The following ANKH variants were observed in gnomAD, a reference collection of about 807,000 sequenced individuals.
The protein encoded by ANKH is ANKH inorganic pyrophosphate transport regulator.
In ANKH, 15 loss-of-function variants were observed where a neutral mutation model predicts 49.0. That is an observed-to-expected ratio of 0.31 (90% CI 0.20 to 0.47). The LOEUF (loss-of-function observed/expected upper bound fraction) is 0.47, where lower values mean the gene tolerates loss of function less well. ANKH is among the 20% of genes least tolerant of loss of function. The pLI, the probability that ANKH is intolerant of heterozygous loss-of-function variation, is 1.00. For missense variants in ANKH, 429 were observed against 652.0 expected, an observed-to-expected ratio of 0.66 and a Z score of 3.72; for synonymous variants, 273 against 260.0, an observed-to-expected ratio of 1.05 and a Z score of -0.48.
intron 8 of ANKH, among the ~76,000 whole-genome samples, chr5:14,740,028 C>A (rs1738305127): frequency 6.6e-6 from 1 of 152,106 alleles, no homozygotes; most frequent in African/African-American, 2.4e-5. Context: ...TAAATTATTG[C>A]CTGTGAACTG....
At chr5:14,741,799 AAG>A (rs1427539066) in intron 8 of ANKH, 26 bp downstream of exon 8, 2 of 1,574,834 alleles carry the variant, frequency 1.3e-6, no homozygotes, top group African/African-American at 2.7e-5. Context: ...AAACAGAGAG[AAG>A]AGGCAGAGAG....
chr5:14,805,607 G>T (rs1280392555), intron 1 of ANKH, among the ~76,000 whole-genome samples: 1 of 151,208 alleles, frequency 6.6e-6, no homozygotes, highest in Non-Finnish European at 1.5e-5. Context: ...TTATTCTAAG[G>T]TATCTTTTTT....
In ANKH at chr5:14,709,636, C is replaced by G. The variant is rs1737082286; in HGVS notation, c.*1561G>C. The G allele has an allele frequency of 6.6e-6, 1 of 152,380 alleles. No homozygotes were observed. The highest frequency in any genetic ancestry group is 2.4e-5 in the African/African-American group (1 of 41,412). The allele number at this position is 152,380 out of a possible 1,614,324, so 9.4% of individuals were successfully genotyped here. A position where few individuals can be genotyped will look rare whatever the true frequency, so the allele number is the denominator to read the frequency against. On this transcript the variant is annotated 3_prime_UTR_variant, in exon 12 of 12. Transcript: ENST00000284268. Reference sequence around the variant, plus strand: ...GCCTTTCCAGCTTGCACTTCTATTCCTACTCCAGTGACCCATTTATTCCCC... The same window carrying G: ...GCCTTTCCAGCTTGCACTTCTATTCGTACTCCAGTGACCCATTTATTCCCC...
chr5:14,838,889 G>A (rs1026460624), intron 1 of ANKH, among the ~76,000 whole-genome samples: 2 of 152,130 alleles, frequency 1.3e-5, no homozygotes, highest in Non-Finnish European at 2.9e-5. Flanking sequence ...TAAGGTGTGC[G>A]TATGTTGGCC....
Position 14,709,899 on chromosome 5 carries a change from ATATT to A in ANKH, c.*1294_*1297del, listed in dbSNP as rs1737096846. On this transcript the variant is annotated 3_prime_UTR_variant, in exon 12 of 12. Transcript: ENST00000284268. ...ATAAATTACATAACATATACAGCAT[ATATT>A]TATATCTTTAAAATATTTTTTTTTT... is the stretch of plus-strand genomic sequence containing the variant. 6.6e-6 allele frequency: 1 copy of A among 152,616 alleles called. No individual in the cohort carries two copies. The highest frequency in any genetic ancestry group is 2.4e-5 in the African/African-American group (1 of 41,458). The allele number at this position is 152,616 out of a possible 1,614,324, so 9.5% of individuals were successfully genotyped here.
intron 1 of ANKH, among the ~76,000 whole-genome samples, chr5:14,805,781 G>A (rs1740694137): frequency 6.6e-6 from 1 of 152,030 alleles, no homozygotes; most frequent in African/African-American, 2.4e-5. Flanking sequence ...CCACTGCAGA[G>A]ACATTCACCT....
rs944079277 is a variant in ANKH at position 14,752,135 on chromosome 5, C to T, written c.517-896G>A. Among the ~76,000 whole-genome samples the T allele has an allele frequency of 2.0e-5, 3 of 152,078 alleles. No homozygotes were observed. In the East Asian group the frequency reaches 5.8e-4, roughly 29 times the overall value. On this transcript the variant is annotated intron_variant, in intron 4 of 11. Transcript: ENST00000284268. ...CCAACCTGGGCAACTTAGTGAGACC[C>T]CATCTCTGTAAAAGATTTTTAAAAA... is the stretch of plus-strand genomic sequence containing the variant.
chr5:14,759,712 G>A (rs761722226), intron 2 of ANKH, among the ~76,000 whole-genome samples: 3 of 150,422 alleles, frequency 2.0e-5, no homozygotes, highest in Admixed American at 6.6e-5. Context: ...AGCTATGATC[G>A]TGCCACTGTA....
intron 1 of ANKH, chr5:14,798,437 C>T (rs945412136): frequency 4.6e-6 from 7 of 1,528,766 alleles, no homozygotes; most frequent in African/African-American, 4.1e-5. Flanking sequence ...TGGGGTCGAG[C>T]GTTGTGGGAG....
At chr5:14,712,236 C>G (rs928468228) in intron 11 of ANKH, among the ~76,000 whole-genome samples, 5 of 152,202 alleles carry the variant, frequency 3.3e-5, no homozygotes, top group African/African-American at 1.2e-4. Context: ...AGCAGGCTCT[C>G]TGAGTGGCCT....
At chr5:14,738,470 CG>C (rs1311175404) in intron 8 of ANKH, among the ~76,000 whole-genome samples, 1 of 152,214 alleles carries the variant, frequency 6.6e-6, no homozygotes, top group East Asian at 1.9e-4. Flanking sequence ...TGTGGGAAAG[CG>C]TGCTAACGTT....
chr5:14,829,727 CA>C (rs1377880104), intron 1 of ANKH, among the ~76,000 whole-genome samples: 2 of 152,184 alleles, frequency 1.3e-5, no homozygotes, highest in Non-Finnish European at 2.9e-5. Context: ...ATTTGTTGCA[CA>C]TTTCCTGCGT....
intron 1 of ANKH, among the ~76,000 whole-genome samples, chr5:14,864,076 T>C (rs1326327553): frequency 1.3e-5 from 2 of 152,146 alleles, no homozygotes; most frequent in Non-Finnish European, 2.9e-5. Context: ...TAGGCAGGCA[T>C]GGTTCCATAT....
At chr5:14,772,798 T>A (rs1220782624) in intron 1 of ANKH, among the ~76,000 whole-genome samples, 1 of 152,236 alleles carries the variant, frequency 6.6e-6, no homozygotes, top group Admixed American at 6.5e-5. Context: ...TCCCCGGATG[T>A]TGGGAATTGG....
chr5:14,726,885 T>C (rs1357736658), intron 8 of ANKH, among the ~76,000 whole-genome samples: 1 of 152,138 alleles, frequency 6.6e-6, no homozygotes, highest in Non-Finnish European at 1.5e-5. Context: ...GCTCTTGGGA[T>C]TGACTGACCT....
rs1298846764 is a variant in ANKH, at chr5:14,871,484, G to A, written c.-37C>T. 1.3e-6 allele frequency: 2 copies of A among 1,556,294 alleles called. No homozygotes were observed. Among genetic ancestry groups the A allele is most frequent in the Admixed American group, 1.7e-5 (1 of 59,138 alleles). ...TGGGCTGACCCCACACACATCTGCT[G>A]CCGCGAGGGGACTCTGCGGGGAGGC... On this transcript the variant is annotated 5_prime_UTR_variant, in exon 1 of 12. Coordinates refer to ENST00000284268, the MANE Select transcript of ANKH (RefSeq NM_054027.6).
At chr5:14,800,822 G>T (rs1740546943) in intron 1 of ANKH, among the ~76,000 whole-genome samples, 1 of 151,380 alleles carries the variant, frequency 6.6e-6, no homozygotes, top group African/African-American at 2.4e-5. Flanking sequence ...GACCTCCTGG[G>T]CTCAAGCAAT....
chr5:14,853,298 A>C (rs1742166445), intron 1 of ANKH, among the ~76,000 whole-genome samples: 1 of 152,238 alleles, frequency 6.6e-6, no homozygotes, highest in African/African-American at 2.4e-5. Flanking sequence ...TTAGGTGGTC[A>C]GGTGTGGTGG....
intron 9 of ANKH, among the ~76,000 whole-genome samples, chr5:14,715,913 C>A (rs1351158676): frequency 6.6e-6 from 1 of 152,234 alleles, no homozygotes; most frequent in Non-Finnish European, 1.5e-5. Context: ...ATCCATCTGG[C>A]CTCAGGTTCC....
Sources: gnomAD v4.1 joint callset for allele counts (sites outside exome capture counted in the v4.1 genomes callset) on GRCh38, gnomAD v4.1.1 for gene constraint, MANE v1.5 for transcripts, NCBI Gene and HGNC (gene_info 2026-07-23, HGNC 2026-07-21) for gene names.